The following THTPA variants were observed in gnomAD, a reference collection of about 807,000 sequenced individuals.
THTPA encodes thiamine-triphosphatase.
A neutral mutation model predicts 16.5 loss-of-function variants in THTPA; 16 were observed. That is an observed-to-expected ratio of 0.97 (90% CI 0.66 to 1.47). THTPA has a LOEUF of 1.47. Among genes scored for constraint, THTPA ranks in the 40% most tolerant of loss-of-function variants. THTPA has a pLI of 0.00. For missense variants in THTPA, 281 were observed against 280.9 expected (o/e 1.00, Z 0.00); for synonymous variants, 110 against 115.5 (o/e 0.95, Z 0.30).
intron 1 of THTPA, among the ~76,000 whole-genome samples, chr14:23,558,410 G>A (rs1347540255): frequency 1.3e-5 from 2 of 152,224 alleles, no homozygotes; most frequent in South Asian, 2.1e-4. Flanking sequence ...GGCATCCTTC[G>A]TTTATCTTGG....
the THTPA span, chr14:23,535,308 T>C: frequency 6.8e-7 from 1 of 1,467,698 alleles, no homozygotes; most frequent in Non-Finnish European, 9.0e-7. The surrounding 1 kb of genome is among the most constrained non-coding windows in gnomAD (Gnocchi z 4.5). Context: ...TGGTAGAGGC[T>C]GAGTTAAGGG....
At chr14:23,525,542 G>T in the THTPA span, 1 of 1,535,378 alleles carries the variant, frequency 6.5e-7, no homozygotes, top group Non-Finnish European at 8.7e-7. This position sits in a 1 kb window ranked among gnomAD's most constrained non-coding sequence, Gnocchi z 5.9. Flanking sequence ...TGGGGGTGGG[G>T]TAGGGGGAGG....
chr14:23,527,589 C>A, the THTPA span: 4 of 1,536,476 alleles, frequency 2.6e-6, no homozygotes, highest in Middle Eastern at 1.7e-4. Context: ...CCGTCCTCAC[C>A]CAGCCTGTAC....
At chr14:23,522,398 T>TC in the THTPA span, 1 of 1,536,154 alleles carries the variant, frequency 6.5e-7, no homozygotes, top group Non-Finnish European at 8.7e-7. Flanking sequence ...CTCACCAGCT[T>TC]CCCCCTCCCC....
intron 1 of THTPA, 148 bp downstream of exon 1, chr14:23,557,452 T>C: frequency 1.1e-6 from 1 of 889,154 alleles, no homozygotes; most frequent in South Asian, 2.1e-5. Context: ...CCCAGGCTGG[T>C]CTGGAACTCC....
chr14:23,527,835 T>G, the THTPA span: 2 of 1,528,436 alleles, frequency 1.3e-6, no homozygotes, highest in Non-Finnish European at 1.7e-6. Flanking sequence ...GTGGACGAAG[T>G]GTCAGGGAAG....
the THTPA span, among the ~76,000 whole-genome samples, chr14:23,549,381 C>T: frequency 1.1e-4 from 16 of 152,156 alleles, no homozygotes; most frequent in African/African-American, 3.9e-4. Flanking sequence ...TCTGCCTGCT[C>T]CTTTTACCTT....
At chr14:23,524,130 C>A in the THTPA span, 1 of 1,535,944 alleles carries the variant, frequency 6.5e-7, no homozygotes, top group Non-Finnish European at 8.7e-7. The surrounding 1 kb of genome is among the most constrained non-coding windows in gnomAD (Gnocchi z 5.6). Context: ...GGCAAGGATG[C>A]AGGGGTGGCT....
the THTPA span, chr14:23,530,579 T>C: frequency 2.4e-6 from 1 of 416,278 alleles, no homozygotes; most frequent in Non-Finnish European, 4.6e-6. Context: ...TGGAAGCAGC[T>C]GCTGCAGTGA....
At chr14:23,524,643 G>C in the THTPA span, 2 of 1,536,282 alleles carry the variant, frequency 1.3e-6, no homozygotes, top group Admixed American at 3.9e-5. The surrounding 1 kb of genome is among the most constrained non-coding windows in gnomAD (Gnocchi z 5.6). Context: ...GTATGGGCTG[G>C]GGAAGGTGAT....
At chr14:23,536,778 T>A in the THTPA span, among the ~76,000 whole-genome samples, 1 of 152,050 alleles carries the variant, frequency 6.6e-6, no homozygotes, top group Non-Finnish European at 1.5e-5. Context: ...TGGTCTAGAC[T>A]CCTCCACCCA....
In THTPA at chr14:23,556,931, G is replaced by C; in HGVS notation, c.174G>C (p.Glu58Asp). ...MQADHWLRRR[E>D]DSGWELKCPG... ...CTGACCACTGGCTGCGACGACGAGA[G>C]GATAGTGGATGGGAGCTCAAATGTC... Residue 58 changes from glutamate (E) to aspartate (D), a missense_variant, in exon 1 of 2, where the codon GAG becomes GAC. Glu to Asp is a conservative substitution (Grantham distance 45). Transcript: ENST00000288014. 1 of 1,614,158 alleles carries C rather than the reference G, an allele frequency of 6.2e-7. No individual in the cohort carries two copies. The highest frequency in any genetic ancestry group is 8.5e-7 in the Non-Finnish European group (1 of 1,180,004).
At chr14:23,531,230 C>G in the THTPA span, 1 of 404,786 alleles carries the variant, frequency 2.5e-6, no homozygotes, top group East Asian at 4.1e-5. Flanking sequence ...GGTTCCTCTT[C>G]ACCCTCTTCC....
the THTPA span, chr14:23,529,632 G>T: frequency 5.2e-6 from 7 of 1,337,564 alleles, no homozygotes; most frequent in African/African-American, 7.3e-5. Flanking sequence ...ACAAAATTAC[G>T]TCTGCCTTTA....
chr14:23,548,342 A>C, the THTPA span: 2 of 152,216 alleles, frequency 1.3e-5, no homozygotes, highest in African/African-American at 4.8e-5. Context: ...AGCTGGGAAG[A>C]GCTCCAGGGA....
rs992599732 is a variant in THTPA at position 23,556,313 on chromosome 14, G to A, written c.-445G>A. 1 of 160,580 alleles carries A rather than the reference G, an allele frequency of 6.2e-6. No homozygotes were observed. Among genetic ancestry groups the A allele is most frequent in the African/African-American group, 2.4e-5 (1 of 41,626 alleles). The allele number at this position is 160,580 out of a possible 1,614,324, so 9.9% of individuals were successfully genotyped here. ...GGCGTGGGCTCCCTTCCCCCTCTGT[G>A]GGTCCCGCGAGGAGACTCTCGGGCT... is the stretch of plus-strand genomic sequence containing the variant. On this transcript the variant is annotated 5_prime_UTR_variant, in exon 1 of 2. Coordinates refer to ENST00000288014, the MANE Select transcript of THTPA (RefSeq NM_024328.6).
chr14:23,534,033 G>T, the THTPA span: 1 of 1,536,138 alleles, frequency 6.5e-7, no homozygotes, highest in Non-Finnish European at 8.7e-7. This position sits in a 1 kb window ranked among gnomAD's most constrained non-coding sequence, Gnocchi z 4.5. Flanking sequence ...GGCCCTGGAA[G>T]GCTGCAGGGG....
the THTPA span, among the ~76,000 whole-genome samples, chr14:23,516,442 G>C: frequency 1.3e-5 from 2 of 152,184 alleles, no homozygotes; most frequent in African/African-American, 4.8e-5. Context: ...TGAATCCAGC[G>C]AATGTAACTT....
At chr14:23,530,283 G>T in the THTPA span, 2 of 1,019,318 alleles carry the variant, frequency 2.0e-6, no homozygotes, top group Non-Finnish European at 1.5e-6. Flanking sequence ...CAAGCAGCCA[G>T]TCAATGAAGG....
Sources: gnomAD v4.1 joint callset for allele counts (sites outside exome capture counted in the v4.1 genomes callset) on GRCh38, gnomAD v4.1.1 for gene constraint, Gnocchi (gnomAD v3.1) non-coding constraint, MANE v1.5 for transcripts, NCBI Gene and HGNC (gene_info 2026-07-23, HGNC 2026-07-21) for gene names.